The following COA1 variants were observed in gnomAD, a reference collection of about 807,000 sequenced individuals.
The protein encoded by COA1 is cytochrome c oxidase assembly factor 1 homolog.
Under a neutral mutation model 16.0 loss-of-function variants are expected in COA1, and 13 were observed. The observed-to-expected ratio is 0.81, with a 90% confidence interval of 0.53 to 1.29. COA1 has a LOEUF of 1.29. COA1 is among the 50% of genes most tolerant of loss of function. COA1 has a pLI of 0.00. For synonymous variants in COA1, 65 were observed against 65.7 expected (o/e 0.99, Z 0.05); for missense variants, 179 against 177.0 (o/e 1.01, Z -0.06).
rs1563228896 is a variant in COA1, at chr7:43,644,764, A to ATAGATAGATAGAT, written c.264+486_264+487insATCTATCTATCTA. Among the ~76,000 whole-genome samples, 251 of 74,678 alleles carry ATAGATAGATAGAT rather than the reference A, an allele frequency of 3.4e-3. 5 individuals are homozygous for ATAGATAGATAGAT. Among genetic ancestry groups the ATAGATAGATAGAT allele is most frequent in the Admixed American group, 7.1e-3 (44 of 6,226 alleles). 49.0% of individuals were successfully genotyped at this position (74,678 alleles called of 152,430 possible). A position where few individuals can be genotyped will look rare whatever the true frequency, so the allele number is the denominator to read the frequency against. On this transcript the variant is annotated intron_variant, in intron 4 of 5. Coordinates refer to ENST00000223336, the MANE Select transcript of COA1 (RefSeq NM_018224.4). ...TAGATAGATAGATAGATAGATAGGC[A>ATAGATAGATAGAT]GGCAGGCAGGCAGGCAGGCAGGCAG...
chr7:43,617,141 C>A (rs536064085), intron 6 of COA1, among the ~76,000 whole-genome samples: 1 of 150,748 alleles, frequency 6.6e-6, no homozygotes, highest in South Asian at 2.1e-4. Flanking sequence ...CTTCATGGAG[C>A]CGGGGGATCA....
chr7:43,621,220 T>G (rs10262925), intron 6 of COA1, among the ~76,000 whole-genome samples: 22,309 of 152,190 alleles, frequency 0.15, 2,182 homozygotes, highest in Non-Finnish European at 0.21. Context: ...ACCTTTAAAA[T>G]TTTTTATATA....
intron 1 of COA1, chr7:43,650,561 G>A (rs1234689844): frequency 6.6e-6 from 1 of 152,116 alleles, no homozygotes; most frequent in Non-Finnish European, 1.5e-5. Context: ...TCAATAGACA[G>A]GGAAGCTTGA....
intron 1 of COA1, among the ~76,000 whole-genome samples, chr7:43,678,822 G>C (rs1359133440): frequency 6.6e-6 from 1 of 152,174 alleles, no homozygotes; most frequent in East Asian, 1.9e-4. Context: ...ATGTTGGCTA[G>C]AATGTGGAGA....
At chr7:43,619,419 A>G (rs1422892155) in intron 6 of COA1, among the ~76,000 whole-genome samples, 1 of 152,200 alleles carries the variant, frequency 6.6e-6, no homozygotes, top group Non-Finnish European at 1.5e-5. Context: ...ACAAGAGAGT[A>G]CAGGCCTGCT....
At chr7:43,715,120 A>T (rs979627319) in intron 1 of COA1, among the ~76,000 whole-genome samples, 1 of 152,110 alleles carries the variant, frequency 6.6e-6, no homozygotes, top group Non-Finnish European at 1.5e-5. Context: ...ATCATTCTTA[A>T]TATGAAAGCT....
intron 6 of COA1, chr7:43,626,098 C>G (rs189679831): frequency 6.6e-6 from 1 of 152,170 alleles, no homozygotes; most frequent in East Asian, 1.9e-4. Flanking sequence ...ACACAAAAGG[C>G]TCAGTGCATT....
chr7:43,696,778 A>AGAATC, intron 1 of COA1, among the ~76,000 whole-genome samples: 1 of 152,262 alleles, frequency 6.6e-6, no homozygotes, highest in Non-Finnish European at 1.5e-5. Context: ...AGAATCAGGG[A>AGAATC]AGATTACACA....
chr7:43,612,674 T>C (rs1197629726), intron 6 of COA1, among the ~76,000 whole-genome samples: 1 of 152,194 alleles, frequency 6.6e-6, no homozygotes, highest in African/African-American at 2.4e-5. Context: ...TAGTTGCTTC[T>C]ATTAAGGATA....
intron 1 of COA1, among the ~76,000 whole-genome samples, chr7:43,728,338 G>T (rs886291095): frequency 2.3e-5 from 3 of 127,950 alleles, no homozygotes; most frequent in African/African-American, 3.6e-5. Flanking sequence ...TTAAAGGACT[G>T]AAGACTTTTG....
At chr7:43,690,838 T>C (rs560194147) in intron 1 of COA1, among the ~76,000 whole-genome samples, 1 of 152,002 alleles carries the variant, frequency 6.6e-6, no homozygotes, top group African/African-American at 2.4e-5. Flanking sequence ...GTCTCTCAGA[T>C]CTACAAACAT....
At chr7:43,647,210 T>TCC (rs985393141) in intron 3 of COA1, 19 of 385,840 alleles carry the variant, frequency 4.9e-5, no homozygotes, top group Non-Finnish European at 7.9e-5. Context: ...CATCTGGTAT[T>TCC]CCCCTTCCCT....
intron 4 of COA1, 42 bp from the exon 5 acceptor site, chr7:43,640,691 A>G (rs1312010362): frequency 2.9e-6 from 4 of 1,363,084 alleles, no homozygotes; most frequent in Admixed American, 2.1e-5. Context: ...GTAATTGGAT[A>G]ATTATTGTCA....
chr7:43,635,374 C>A (rs2085697730), downstream of COA1, among the ~76,000 whole-genome samples: 1 of 152,124 alleles, frequency 6.6e-6, no homozygotes, highest in Non-Finnish European at 1.5e-5. Context: ...TAACAAATAG[C>A]CCCCCATCTT....
At chr7:43,709,902 T>TA (rs2095156761) in intron 1 of COA1, among the ~76,000 whole-genome samples, 1 of 152,172 alleles carries the variant, frequency 6.6e-6, no homozygotes, top group South Asian at 2.1e-4. Flanking sequence ...CTGCAAAACT[T>TA]AGATTTGAAC....
At chr7:43,623,719 G>C in intron 6 of COA1, 1 of 1,606,390 alleles carries the variant, frequency 6.2e-7, no homozygotes. Context: ...GAGCATTGGA[G>C]TGTTAACATA....
At chr7:43,615,455 A>G (rs1432924067) in intron 6 of COA1, among the ~76,000 whole-genome samples, 2 of 152,040 alleles carry the variant, frequency 1.3e-5, no homozygotes, top group African/African-American at 4.8e-5. Flanking sequence ...GGAATTACAG[A>G]TGTGAGCCAC....
chr7:43,706,299 A>G (rs2094971681), intron 1 of COA1, among the ~76,000 whole-genome samples: 1 of 152,084 alleles, frequency 6.6e-6, no homozygotes. Context: ...GTACTTTGGG[A>G]GGCTGAGGCA....
At chr7:43,677,355 T>C (rs2093575618) in intron 1 of COA1, among the ~76,000 whole-genome samples, 1 of 152,190 alleles carries the variant, frequency 6.6e-6, no homozygotes, top group African/African-American at 2.4e-5. Flanking sequence ...ACCGTTTATT[T>C]AATATATGTG....
Sources: gnomAD v4.1 joint callset for allele counts (sites outside exome capture counted in the v4.1 genomes callset) on GRCh38, gnomAD v4.1.1 for gene constraint, MANE v1.5 for transcripts, NCBI Gene and HGNC (gene_info 2026-07-23, HGNC 2026-07-21) for gene names.